UNC13C: variants seen among roughly 807,000 people sequenced by gnomAD.
The protein encoded by UNC13C is protein unc-13 homolog C.
Under a neutral mutation model 245.4 loss-of-function variants are expected in UNC13C, and 174 were observed. That is an observed-to-expected ratio of 0.71 (90% CI 0.63 to 0.80). UNC13C has a LOEUF of 0.80. Among genes scored for constraint, UNC13C ranks in the 30% least tolerant of loss-of-function variants. UNC13C has a pLI of 0.00. For missense variants in UNC13C, 2,829 were observed against 2,602.9 expected (o/e 1.09, Z -1.89); for synonymous variants, 992 against 895.1 (o/e 1.11, Z -1.93).
rs187934822 is a variant in UNC13C at position 54,316,434 on chromosome 15, T to C, written c.4269-5505T>C. ...GCTTGGCTATCTCTTAGTCATTCATTGACTGTTAGCCCAGCCTCATCTCAA... is the reference window on the plus strand; with the variant it reads ...GCTTGGCTATCTCTTAGTCATTCATCGACTGTTAGCCCAGCCTCATCTCAA... On this transcript the variant is annotated intron_variant, in intron 13 of 32. Coordinates refer to ENST00000260323, the MANE Select transcript of UNC13C (RefSeq NM_001080534.3). Among the ~76,000 whole-genome samples the C allele has an allele frequency of 2.6e-5, 4 of 152,034 alleles. No individual in the cohort carries two copies. The East Asian group carries it at 7.8e-4, about 30-fold the overall frequency.
chr15:54,227,878 C>T (rs2035437368), intron 4 of UNC13C, among the ~76,000 whole-genome samples: 1 of 152,248 alleles, frequency 6.6e-6, no homozygotes, highest in Non-Finnish European at 1.5e-5. Flanking sequence ...ACTTAAGGCC[C>T]TGACGCTCCA....
At position 54,546,715 on chromosome 15, in the gene UNC13C, TTTTC is replaced by T. The variant is rs201038471; in HGVS notation, c.5697-6_5697-3del. On this transcript the variant is annotated splice_region_variant and splice_polypyrimidine_tract_variant and intron_variant, in intron 26 of 32. Coordinates refer to ENST00000260323, the MANE Select transcript of UNC13C (RefSeq NM_001080534.3). ...AAAGTGAATATATATATATATTTTT[TTTTC>T]AGATTAAGTCTCTCAGCAAAAATCT... The T allele has an allele frequency of 3.4e-6, 5 of 1,464,832 alleles. No individual in the cohort carries two copies. In the African/African-American group the frequency reaches 4.5e-5, roughly 13 times the overall value. The allele number at this position is 1,464,832 out of a possible 1,614,324, so 90.7% of individuals were successfully genotyped here.
At chr15:54,078,196 A>G (rs916394554) in intron 2 of UNC13C, among the ~76,000 whole-genome samples, 2 of 152,214 alleles carry the variant, frequency 1.3e-5, no homozygotes, top group Admixed American at 6.5e-5. Context: ...GTGGCATTCT[A>G]TAGTGTGTAT....
At chr15:53,934,216 A>G in the UNC13C span, among the ~76,000 whole-genome samples, 100,574 of 152,156 alleles carry the variant, frequency 0.66, 34,371 homozygotes, top group Admixed American at 0.75. Flanking sequence ...ATCTGCCCCC[A>G]TGATCCAGTC....
chr15:54,154,400 A>G (rs1335570371), intron 4 of UNC13C, among the ~76,000 whole-genome samples: 2 of 152,184 alleles, frequency 1.3e-5, no homozygotes, highest in Admixed American at 6.5e-5. Flanking sequence ...AGGGTGACAT[A>G]TACCTGGGAA....
intron 22 of UNC13C, among the ~76,000 whole-genome samples, chr15:54,506,028 A>G (rs533059473): frequency 4.4e-4 from 67 of 152,306 alleles, no homozygotes; most frequent in African/African-American, 1.4e-3. Flanking sequence ...AACGATAACA[A>G]AGGCAAAAAA....
intron 19 of UNC13C, among the ~76,000 whole-genome samples, chr15:54,436,605 T>A (rs920308224): frequency 1.3e-5 from 2 of 151,036 alleles, no homozygotes; most frequent in Non-Finnish European, 3.0e-5. Context: ...TAAATGGGAG[T>A]TGAACAATGA....
intron 17 of UNC13C, among the ~76,000 whole-genome samples, chr15:54,392,425 A>G (rs2039978163): frequency 6.6e-6 from 1 of 152,062 alleles, no homozygotes; most frequent in Non-Finnish European, 1.5e-5. Context: ...GGAAAAAAAG[A>G]GAAAAAGACA....
At chr15:54,286,167 C>T (rs1327590965) in intron 10 of UNC13C, among the ~76,000 whole-genome samples, 1 of 152,204 alleles carries the variant, frequency 6.6e-6, no homozygotes, top group Non-Finnish European at 1.5e-5. Flanking sequence ...AGGCGTGAGC[C>T]ACTCTGCCTG....
chr15:54,479,930 T>C lies in UNC13C; in HGVS notation c.4934-14678T>C, dbSNP rs1893008851. Among the ~76,000 whole-genome samples, 4 of 152,154 alleles carry C rather than the reference T, an allele frequency of 2.6e-5. No individual in the cohort carries two copies. The South Asian group carries it at 8.3e-4, about 32-fold the overall frequency. On this transcript the variant is annotated intron_variant, in intron 19 of 32. Transcript: ENST00000260323. ...AATAGTAGCTTTGCTGGGTATAGTATTTTTTATTGGCAGTTTTTTGTTGTT... is the reference window on the plus strand; with the variant it reads ...AATAGTAGCTTTGCTGGGTATAGTACTTTTTATTGGCAGTTTTTTGTTGTT...
chr15:54,546,939 C>G (rs1258619051), intron 27 of UNC13C, 94 bp downstream of exon 27: 1 of 1,160,714 alleles, frequency 8.6e-7, no homozygotes, highest in Non-Finnish European at 1.2e-6. Flanking sequence ...AATTAAATCC[C>G]TTTGGGGAAA....
Position 54,014,497 on chromosome 15 carries a change from A to G in UNC13C, c.1594A>G (p.Thr532Ala), listed in dbSNP as rs868052090. 4.3e-6 allele frequency: 7 copies of G among 1,613,704 alleles called. No homozygotes were observed. The highest frequency in any genetic ancestry group is 2.2e-5 in the East Asian group (1 of 44,900). ...AACCACAACCCATTATGCAGATGCA[A>G]CACCTCTCTGGCACTCACAGAGTGA... ...KQTTTHYADA[T>A]PLWHSQSDFF... Residue 532 changes from threonine to alanine, a missense_variant, in exon 2 of 33, where the codon ACA becomes GCA. Thr to Ala is a moderately conservative substitution (Grantham distance 58). Coordinates refer to ENST00000260323, the MANE Select transcript of UNC13C (RefSeq NM_001080534.3).
intron 19 of UNC13C, among the ~76,000 whole-genome samples, chr15:54,463,781 A>T (rs562545948): frequency 3.3e-5 from 5 of 152,156 alleles, no homozygotes; most frequent in Non-Finnish European, 7.4e-5. Flanking sequence ...TGAAAACCAG[A>T]TCAAGAAGTA....
chr15:54,158,651 A>AT (rs10715294), intron 4 of UNC13C, among the ~76,000 whole-genome samples: 31 of 149,612 alleles, frequency 2.1e-4, no homozygotes, highest in Middle Eastern at 3.5e-3. Context: ...TTTTCTTTTT[A>AT]TTTTTTTTAA....
At chr15:54,235,162 C>A in intron 5 of UNC13C, 54 bp downstream of exon 5, 1 of 1,509,896 alleles carries the variant, frequency 6.6e-7, no homozygotes, top group Non-Finnish European at 9.2e-7. Flanking sequence ...TTTTTCCTTA[C>A]TAAAATGTAA....
intron 14 of UNC13C, among the ~76,000 whole-genome samples, chr15:54,322,452 G>A (rs1215667335): frequency 6.6e-6 from 1 of 151,946 alleles, no homozygotes; most frequent in Non-Finnish European, 1.5e-5. Context: ...TAGTAAGTGT[G>A]AGCTTGGCTG....
the UNC13C span, among the ~76,000 whole-genome samples, chr15:53,865,247 A>T: frequency 6.6e-6 from 1 of 152,182 alleles, no homozygotes; most frequent in Non-Finnish European, 1.5e-5. Context: ...TGTGGCAGGA[A>T]CTTCATTCCA....
intron 19 of UNC13C, among the ~76,000 whole-genome samples, chr15:54,435,612 T>C (rs2040967102): frequency 6.6e-6 from 1 of 151,498 alleles, no homozygotes; most frequent in South Asian, 2.1e-4. Flanking sequence ...AGGGGTAACA[T>C]TAGTAGAAAT....
At chr15:54,148,435 G>A (rs890820994) in intron 4 of UNC13C, among the ~76,000 whole-genome samples, 3 of 152,092 alleles carry the variant, frequency 2.0e-5, no homozygotes, top group Non-Finnish European at 4.4e-5. Flanking sequence ...GAATAAAGCT[G>A]GTTTAACATA....
Sources: gnomAD v4.1 joint callset for allele counts (sites outside exome capture counted in the v4.1 genomes callset) on GRCh38, gnomAD v4.1.1 for gene constraint, MANE v1.5 for transcripts, NCBI Gene and HGNC (gene_info 2026-07-23, HGNC 2026-07-21) for gene names.